Variants in PKNOX1 observed in about 807,000 individuals in gnomAD.
PKNOX1 encodes PBX/knotted 1 homeobox 1.
In PKNOX1, 15 loss-of-function variants were observed where a neutral mutation model predicts 51.9. The ratio of observed to expected loss-of-function variants is 0.29; its 90% CI spans 0.19 to 0.45. PKNOX1 has a LOEUF of 0.45. PKNOX1 is among the 20% of genes least tolerant of loss of function. The pLI is 1.00. For synonymous variants in PKNOX1, 219 were observed against 211.1 expected (o/e 1.04, Z -0.32); for missense variants, 462 against 547.5 (o/e 0.84, Z 1.56).
At chr21:43,025,431 C>CT (rs1178955951) in intron 9 of PKNOX1, among the ~76,000 whole-genome samples, 1 of 152,176 alleles carries the variant, frequency 6.6e-6, no homozygotes, top group Non-Finnish European at 1.5e-5. Flanking sequence ...TGAGGGGACC[C>CT]TCTGCCACTC....
intron 1 of PKNOX1, among the ~76,000 whole-genome samples, chr21:42,990,277 A>G (rs1256725600): frequency 2.0e-5 from 3 of 152,000 alleles, no homozygotes; most frequent in Non-Finnish European, 4.4e-5. Context: ...AAATAAATAA[A>G]TAAATAATAA....
chr21:43,010,887 AAAAT>A (rs1337570073), intron 4 of PKNOX1, among the ~76,000 whole-genome samples: 2 of 151,896 alleles, frequency 1.3e-5, no homozygotes, highest in Non-Finnish European at 2.9e-5. Context: ...AAAATAAAAT[AAAAT>A]AAAATAATTT....
chr21:42,998,421 T>C lies in PKNOX1; in HGVS notation c.-56-5905T>C, dbSNP rs373395942. 5.3e-5 allele frequency among the ~76,000 whole-genome samples: 8 copies of C among 152,268 alleles called. No homozygotes were observed. The South Asian group carries it at 6.2e-4, about 12-fold the overall frequency. Reference sequence around the variant, plus strand: ...TGCCCCTGCCCCCTCCCAAATCTCATAATCATGTTTCAAAACCAATCATGC... The same window carrying C: ...TGCCCCTGCCCCCTCCCAAATCTCACAATCATGTTTCAAAACCAATCATGC... On this transcript the variant is annotated intron_variant, in intron 1 of 10. Transcript: ENST00000291547.
intron 1 of PKNOX1, among the ~76,000 whole-genome samples, chr21:42,990,789 G>A (rs2059083286): frequency 6.6e-6 from 1 of 152,210 alleles, no homozygotes; most frequent in Admixed American, 6.6e-5. Flanking sequence ...AAAAGCTATG[G>A]AGAACTATGA....
In PKNOX1 at chr21:43,031,921, G is replaced by T. The variant is rs1980289053; in HGVS notation, c.*1820G>T. 4.5e-6 allele frequency: 1 copy of T among 221,982 alleles called. No homozygotes were observed. Among genetic ancestry groups the T allele is most frequent in the Admixed American group, 4.9e-5 (1 of 20,376 alleles). The allele number at this position is 221,982 out of a possible 1,614,324, so 13.8% of individuals were successfully genotyped here. A position where few individuals can be genotyped will look rare whatever the true frequency, so the allele number is the denominator to read the frequency against. On this transcript the variant is annotated 3_prime_UTR_variant, in exon 11 of 11. Transcript: ENST00000291547. Reference sequence around the variant, plus strand: ...TTGTTGCCCAGGCTGGAGGGCAATGGTGCAATCTCAGCTCACTGCAACCTC... The same window carrying T: ...TTGTTGCCCAGGCTGGAGGGCAATGTTGCAATCTCAGCTCACTGCAACCTC...
intron 10 of PKNOX1, 148 bp from the exon 11 acceptor site, chr21:43,029,742 T>TTTTTTTTTTTTTTGAGACGGAGTCTCG (rs1980163894): frequency 1.4e-6 from 1 of 736,302 alleles, no homozygotes; most frequent in Non-Finnish European, 2.3e-6. Flanking sequence ...AGAAACAGTT[T>TTTTTTTTTTTTTTGAGACGGAGTCTCG]CTTAAATCCC....
At chr21:42,988,347 C>A (rs1384943881) in intron 1 of PKNOX1, among the ~76,000 whole-genome samples, 1 of 152,198 alleles carries the variant, frequency 6.6e-6, no homozygotes, top group Non-Finnish European at 1.5e-5. Context: ...CTGTGCCCGG[C>A]CAGCCCTCAG....
At chr21:43,008,062 C>CTCACAA (rs1555860466) in intron 3 of PKNOX1, among the ~76,000 whole-genome samples, 1 of 2,458 alleles carries the variant, frequency 4.1e-4, no homozygotes, top group Non-Finnish European at 8.4e-4. Flanking sequence ...AAAACTCTGT[C>CTCACAA]ACACACACAC....
intron 5 of PKNOX1, among the ~76,000 whole-genome samples, chr21:43,015,617 C>T (rs1043201094): frequency 2.0e-5 from 3 of 152,090 alleles, no homozygotes; most frequent in Admixed American, 6.5e-5. Flanking sequence ...GTATTCCCTC[C>T]TCTTATTTTT....
intron 1 of PKNOX1, among the ~76,000 whole-genome samples, chr21:42,975,320 C>T (rs2058989183): frequency 6.6e-6 from 1 of 151,172 alleles, no homozygotes; most frequent in South Asian, 2.1e-4. Flanking sequence ...GGGCTCGTGG[C>T]CCTCAGCCGG....
intron 10 of PKNOX1, among the ~76,000 whole-genome samples, chr21:43,029,260 C>T (rs1450443825): frequency 2.0e-5 from 3 of 152,028 alleles, no homozygotes; most frequent in Admixed American, 1.3e-4. Flanking sequence ...TCCCCCATGC[C>T]CTTCTCTTGT....
At chr21:43,002,210 T>C (rs189770256) in intron 1 of PKNOX1, among the ~76,000 whole-genome samples, 5 of 152,246 alleles carry the variant, frequency 3.3e-5, no homozygotes, top group Admixed American at 2.6e-4. Flanking sequence ...AACTATACTT[T>C]GATGGTGGCC....
chr21:42,982,418 A>C (rs543268047), intron 1 of PKNOX1, among the ~76,000 whole-genome samples: 10 of 152,150 alleles, frequency 6.6e-5, no homozygotes, highest in Non-Finnish European at 1.3e-4. Context: ...AAATGTTAGG[A>C]ATTTAACTTG....
At chr21:43,020,862 G>C (rs1310929658) in intron 7 of PKNOX1, among the ~76,000 whole-genome samples, 1 of 152,244 alleles carries the variant, frequency 6.6e-6, no homozygotes, top group East Asian at 1.9e-4. Context: ...CTCCCTGCCT[G>C]AGAGGCCTCT....
intron 1 of PKNOX1, among the ~76,000 whole-genome samples, chr21:42,979,935 G>A (rs427925): frequency 0.21 from 31,703 of 152,134 alleles, 3,658 homozygotes; most frequent in Non-Finnish European, 0.25. Context: ...AGTGAAGTAT[G>A]ACTTGTTTCA....
intron 1 of PKNOX1, among the ~76,000 whole-genome samples, chr21:42,992,137 CTG>C (rs1485236630): frequency 1.3e-5 from 2 of 152,238 alleles, no homozygotes; most frequent in African/African-American, 4.8e-5. Flanking sequence ...TCAGCTCACC[CTG>C]TGTTTCCCAT....
intron 1 of PKNOX1, among the ~76,000 whole-genome samples, chr21:42,981,081 T>C (rs2059023009): frequency 6.6e-6 from 1 of 152,224 alleles, no homozygotes; most frequent in Non-Finnish European, 1.5e-5. Context: ...AGGAAGTGGC[T>C]GCAGGCCCTG....
rs568063236 is a variant in PKNOX1 at position 42,993,396 on chromosome 21, C to T, written c.-56-10930C>T. Among the ~76,000 whole-genome samples, 514 of 152,310 alleles carry T rather than the reference C, an allele frequency of 3.4e-3. 3 individuals are homozygous for T. Among genetic ancestry groups the T allele is most frequent in the South Asian group, 0.023 (112 of 4,828 alleles). The stretch of plus-strand genomic sequence containing the variant: ...GTGGCTGGGCCGGGCCTCCACGTTG[C>T]CCTGCTGCAGGGTTAGGTGGGAGCG... On this transcript the variant is annotated intron_variant, in intron 1 of 10. Transcript: ENST00000291547.
rs957459088 is a variant in PKNOX1, at chr21:42,984,384, TTTTTTC to T, written c.-57+9732_-57+9737del. 5.3e-5 allele frequency among the ~76,000 whole-genome samples: 8 copies of T among 152,282 alleles called. No homozygotes were observed. In the South Asian group the frequency reaches 6.2e-4, roughly 12 times the overall value. ...TCTCATACACTTTTGTGAGTCCAGT[TTTTTTC>T]TTTTTCTTTTTTTTTGAGACAGAGT... On this transcript the variant is annotated intron_variant, in intron 1 of 10. Coordinates refer to ENST00000291547, the MANE Select transcript of PKNOX1 (RefSeq NM_004571.5).
Sources: gnomAD v4.1 joint callset for allele counts (sites outside exome capture counted in the v4.1 genomes callset) on GRCh38, gnomAD v4.1.1 for gene constraint, MANE v1.5 for transcripts, NCBI Gene and HGNC (gene_info 2026-07-23, HGNC 2026-07-21) for gene names.